Variants in CTU2 observed in about 807,000 individuals in gnomAD.
The protein encoded by CTU2 is cytosolic thiouridylase subunit 2.
A neutral mutation model predicts 64.1 loss-of-function variants in CTU2; 80 were observed. That is an observed-to-expected ratio of 1.25 (90% confidence interval 1.04 to 1.50). The LOEUF is 1.50. CTU2 is among the 40% of genes most tolerant of loss of function. The pLI, the probability that CTU2 is intolerant of heterozygous loss-of-function variation, is 0.00. For missense variants in CTU2, 1,110 were observed against 690.2 expected (o/e 1.61, Z -6.81); for synonymous variants, 482 against 285.3 (o/e 1.69, Z -6.95).
At chr16:88,710,484 C>G (rs1295501487) in intron 4 of CTU2, 2 of 583,718 alleles carry the variant, frequency 3.4e-6, no homozygotes, top group Non-Finnish European at 6.1e-6. Flanking sequence ...GTGCGGCCCA[C>G]TCTCAGATGT....
intron 2 of CTU2, among the ~76,000 whole-genome samples, chr16:88,708,720 C>T (rs146267921): frequency 5.9e-5 from 9 of 152,244 alleles, no homozygotes; most frequent in African/African-American, 2.2e-4. Context: ...GACTGCTGTG[C>T]ACATCAAGTG....
chr16:88,707,472 C>T (rs1910966733), intron 2 of CTU2, among the ~76,000 whole-genome samples: 1 of 151,936 alleles, frequency 6.6e-6, no homozygotes, highest in African/African-American at 2.4e-5. Flanking sequence ...GAAGTGGGGC[C>T]GTGGTGTCTA....
At chr16:88,709,708 T>G in intron 2 of CTU2, 1 of 556,734 alleles carries the variant, frequency 1.8e-6, no homozygotes, top group Non-Finnish European at 3.2e-6. Context: ...GGCTGTGCAG[T>G]TTGTACCTGG....
intron 12 of CTU2, 37 bp downstream of exon 12, chr16:88,714,774 T>G: frequency 6.2e-7 from 1 of 1,606,070 alleles, no homozygotes; most frequent in Non-Finnish European, 8.5e-7. Flanking sequence ...GCCAGCTGCA[T>G]GGGGCGGGAG....
chr16:88,711,751 A>G (rs1000487579), intron 5 of CTU2, 56 bp downstream of exon 5: 7 of 1,523,172 alleles, frequency 4.6e-6, no homozygotes, highest in Admixed American at 1.8e-5. Context: ...AGCCCTGCGG[A>G]TCCTCCCTCT....
In CTU2 at chr16:88,712,743, G is replaced by T. The variant is rs148549191; in HGVS notation, c.575G>T (p.Gly192Val). ...CAGCAGCATGTGCTGGGGGCCGGGG[G>T]TGGTCCTGGCCCGACTCAAGGGGAG... Reference protein sequence around the residue: ...LQQQHVLGAGGGPGPTQGEEQ... With the variant: ...LQQQHVLGAGVGPGPTQGEEQ... Residue 192 changes from glycine to valine, a missense_variant, in exon 7 of 15, where the codon GGT (glycine) becomes GTT (valine). Physicochemically the swap from Gly to Val is moderately radical, Grantham distance 109. Coordinates refer to ENST00000453996, the MANE Select transcript of CTU2 (RefSeq NM_001012759.3). The T allele has an allele frequency of 1.4e-5, 23 of 1,608,978 alleles. No individual in the cohort carries two copies. The African/African-American group carries it at 1.9e-4, about 13-fold the overall frequency.
rs776211558 is a variant in CTU2, at chr16:88,714,216, C to T, written c.1086C>T (p.Ser362=). 41 of 1,572,608 alleles carry T rather than the reference C, an allele frequency of 2.6e-5. No individual in the cohort carries two copies. The highest frequency in any genetic ancestry group is 3.1e-5 in the Non-Finnish European group (36 of 1,165,438). Residue 362 remains serine, a synonymous_variant, in exon 10 of 15, where the codon AGC becomes AGT. Transcript: ENST00000453996. ...AGACCCAGTTCCCCTCCACTGTCAG[C>T]ACTGTGTACAGGTGTGGGTGTGTGT... The part of the protein sequence containing the change: ...RLQTQFPSTV[S]TVYRTSEKLV...
At position 88,713,301 on chromosome 16, in the gene CTU2, C is replaced by T. The variant is rs775535466; in HGVS notation, c.738-11C>T. ...GCACCCCCCAGGCCCCTGAGACGCT[C>T]TGTGCTTTAGGACCCACCTGATCCT... On this transcript the variant is annotated splice_polypyrimidine_tract_variant and intron_variant, in intron 7 of 14. Transcript: ENST00000453996. The T allele has an allele frequency of 2.5e-6, 4 of 1,590,650 alleles. No individual in the cohort carries two copies. The East Asian group carries it at 7.2e-5, about 29-fold the overall frequency.
intron 9 of CTU2, 52 bp from the exon 10 acceptor site, chr16:88,714,084 C>A: frequency 6.4e-7 from 1 of 1,561,984 alleles, no homozygotes; most frequent in Non-Finnish European, 8.8e-7. Flanking sequence ...TCTGCCCCAG[C>A]CTGGGGCTGG....
intron 2 of CTU2, among the ~76,000 whole-genome samples, chr16:88,707,414 C>T (rs1312317348): frequency 6.6e-6 from 1 of 152,190 alleles, no homozygotes; most frequent in African/African-American, 2.4e-5. Context: ...CATGAGCTAG[C>T]CACAGATCCC....
intron 1 of CTU2, 129 bp downstream of exon 1, chr16:88,706,727 C>T (rs1465265908): frequency 3.1e-6 from 2 of 642,294 alleles, no homozygotes; most frequent in Non-Finnish European, 4.8e-6. Flanking sequence ...CCCTAGCACT[C>T]GGGGAATGCC....
In CTU2 at chr16:88,712,583, G is replaced by C. The variant is rs775716297; in HGVS notation, c.454-39G>C. ...GGCTGTCTGTGGGGGGCACCTGCCC[G>C]TGTCCCGGGCCTCACTGGCGTCTCC... On this transcript the variant is annotated intron_variant, in intron 6 of 14. Coordinates refer to ENST00000453996, the MANE Select transcript of CTU2 (RefSeq NM_001012759.3). The C allele has an allele frequency of 6.9e-6, 11 of 1,592,932 alleles. No individual in the cohort carries two copies. In the Admixed American group the frequency reaches 1.4e-4, roughly 20 times the overall value.
At chr16:88,712,130 A>C (rs1181438100) in intron 5 of CTU2, 144 bp from the exon 6 acceptor site, 1 of 761,064 alleles carries the variant, frequency 1.3e-6, no homozygotes, top group South Asian at 1.5e-5. Context: ...CCCAAAGGAA[A>C]ATGGCCGACA....
Position 88,712,286 on chromosome 16 carries a change from G to A in CTU2, c.356G>A (p.Cys119Tyr), listed in dbSNP as rs1911389371. The A allele has an allele frequency of 6.2e-7, 1 of 1,603,640 alleles. No individual in the cohort carries two copies. Among genetic ancestry groups the A allele is most frequent in the Non-Finnish European group, 8.5e-7 (1 of 1,175,096 alleles). The change falls in exon 6 of 15, where the codon TGT becomes TAT. Residue 119 changes from cysteine (C) to tyrosine (Y), a missense_variant. Coordinates refer to ENST00000453996, the MANE Select transcript of CTU2 (RefSeq NM_001012759.3). ...GVIFVDEGAA[C>Y]GQSLEERSKT... ...CTGGGTTTTTCAGAGGGAGCAGCCT[G>A]TGGCCAGAGCCTAGAGGAGAGATCA...
At position 88,713,617 on chromosome 16, in the gene CTU2, C is replaced by T. The variant is rs758435087; in HGVS notation, c.874-30C>T. 11 of 1,605,662 alleles carry T rather than the reference C, an allele frequency of 6.9e-6. No homozygotes were observed. The East Asian group carries it at 1.6e-4, about 23-fold the overall frequency. ...AGGGGCAAGCACATTCGGGCCTTGA[C>T]CTGGACCACACAGCCCCTGCCTCCC... On this transcript the variant is annotated intron_variant, in intron 8 of 14. Coordinates refer to ENST00000453996, the MANE Select transcript of CTU2 (RefSeq NM_001012759.3).
intron 14 of CTU2, 33 bp from the exon 15 acceptor site, chr16:88,715,149 C>G: frequency 6.2e-7 from 1 of 1,609,332 alleles, no homozygotes; most frequent in East Asian, 2.2e-5. Flanking sequence ...TAAGGGGCCT[C>G]GGGGCTGGTG....
In CTU2 at chr16:88,711,724, C is replaced by CATGG. The variant is rs749925400; in HGVS notation, c.343+29_343+30insATGG. On this transcript the variant is annotated intron_variant, in intron 5 of 14. Coordinates refer to ENST00000453996, the MANE Select transcript of CTU2 (RefSeq NM_001012759.3). ...TGTGGGGCCATTGCTCCTCCTAGTCCCTGGCCACTTGGGGTAAGCCCTGCG... is the reference window on the plus strand; with the variant it reads ...TGTGGGGCCATTGCTCCTCCTAGTCCATGGCTGGCCACTTGGGGTAAGCCCTGCG... 3.1e-6 allele frequency: 5 copies of CATGG among 1,594,524 alleles called. No individual in the cohort carries two copies. The East Asian group carries it at 1.1e-4, about 36-fold the overall frequency.
Position 88,709,964 on chromosome 16 carries a change from A to G in CTU2, c.170A>G (p.His57Arg), listed in dbSNP as rs758902521. ...GACTGTTTCAAGGCCTTCTACGTCC[A>G]CAAGTTCAGAGCCATGCTGGGCAAG... ...CRDCFKAFYV[H>R]KFRAMLGKNR... is the part of the protein sequence containing the mutation. Residue 57 changes from histidine to arginine, a missense_variant, in exon 3 of 15, where the codon CAC becomes CGC. By Grantham distance (29) the His-to-Arg change is conservative. Transcript: ENST00000453996. 2 of 1,613,976 alleles carry G rather than the reference A, an allele frequency of 1.2e-6. No individual in the cohort carries two copies. Among genetic ancestry groups the G allele is most frequent in the East Asian group, 2.2e-5 (1 of 44,888 alleles).
In CTU2 at chr16:88,714,241, T is replaced by TGCGC. The variant is rs773129655; in HGVS notation, c.1097+15_1097+16insCGCG. On this transcript the variant is annotated intron_variant, in intron 10 of 14. Coordinates refer to ENST00000453996, the MANE Select transcript of CTU2 (RefSeq NM_001012759.3). ...CACTGTGTACAGGTGTGGGTGTGTG[T>TGCGC]GGGTGTGTGCGGGGGGTGCGCGGGT... 1.9e-6 allele frequency: 3 copies of TGCGC among 1,602,314 alleles called. No individual in the cohort carries two copies. The highest frequency in any genetic ancestry group is 2.6e-6 in the Non-Finnish European group (3 of 1,176,234).
Sources: gnomAD v4.1 joint callset for allele counts (sites outside exome capture counted in the v4.1 genomes callset) on GRCh38, gnomAD v4.1.1 for gene constraint, MANE v1.5 for transcripts, NCBI Gene and HGNC (gene_info 2026-07-23, HGNC 2026-07-21) for gene names.